Variants in STPG4 observed in about 807,000 individuals in gnomAD.
STPG4 encodes the protein sperm-tail PG-rich repeat containing 4.
A neutral mutation model predicts 31.5 loss-of-function variants in STPG4; 41 were observed. That is an observed-to-expected ratio of 1.30 (90% CI 1.01 to 1.69). The LOEUF (loss-of-function observed/expected upper bound fraction) is 1.69. Among genes scored for constraint, STPG4 ranks in the 40% most tolerant of loss-of-function variants. The probability of loss-of-function intolerance (pLI) is 0.00; values close to 1 mark genes in which losing one functional copy is unlikely to be tolerated. For missense variants in STPG4, 375 were observed against 293.4 expected, an observed-to-expected ratio of 1.28 and a Z score of -2.03; for synonymous variants, 141 against 103.0, an observed-to-expected ratio of 1.37 and a Z score of -2.24.
chr2:47,151,647 G>T, intron 2 of STPG4, 132 bp from the exon 3 acceptor site: 1 of 712,298 alleles, frequency 1.4e-6, no homozygotes, highest in Non-Finnish European at 2.4e-6. Context: ...ATCAAATACA[G>T]TAAACACTCT....
intron 3 of STPG4, among the ~76,000 whole-genome samples, chr2:47,131,999 T>C (rs1686494675): frequency 6.6e-6 from 1 of 151,888 alleles, no homozygotes; most frequent in Non-Finnish European, 1.5e-5. Flanking sequence ...ACCCTGTCTC[T>C]ACTAAACATA....
chr2:47,112,470 T>C (rs1313713307), intron 5 of STPG4, among the ~76,000 whole-genome samples: 2 of 152,136 alleles, frequency 1.3e-5, no homozygotes, highest in African/African-American at 2.4e-5. Flanking sequence ...GTGCCTGGCC[T>C]AACCTTTGAG....
At chr2:47,127,505 G>A (rs964540734) in intron 5 of STPG4, among the ~76,000 whole-genome samples, 2 of 152,048 alleles carry the variant, frequency 1.3e-5, no homozygotes, top group African/African-American at 2.4e-5. Context: ...TTGGCCTCAA[G>A]CCGTCTGCCT....
At chr2:47,151,592 C>T in intron 2 of STPG4, 77 bp from the exon 3 acceptor site, 2 of 1,219,770 alleles carry the variant, frequency 1.6e-6, no homozygotes, top group Admixed American at 2.0e-5. Flanking sequence ...GGATGGGAAG[C>T]TCCCAAGTAA....
intron 5 of STPG4, among the ~76,000 whole-genome samples, chr2:47,110,309 T>C (rs1410036627): frequency 1.3e-5 from 2 of 152,204 alleles, no homozygotes; most frequent in Non-Finnish European, 2.9e-5. Flanking sequence ...AAATTATATT[T>C]TGGGCTGGGC....
chr2:47,107,672 G>A (rs887127523), intron 5 of STPG4, among the ~76,000 whole-genome samples: 13 of 152,170 alleles, frequency 8.5e-5, no homozygotes, highest in Admixed American at 5.9e-4. Flanking sequence ...CGGGCACATG[G>A]TGCGGGACTG....
intron 5 of STPG4, among the ~76,000 whole-genome samples, chr2:47,125,390 C>T (rs1291607142): frequency 6.6e-6 from 1 of 152,160 alleles, no homozygotes; most frequent in African/African-American, 2.4e-5. Flanking sequence ...CACTGCACTT[C>T]AGCCTGGGTG....
At chr2:47,110,176 C>A (rs78543358) in intron 5 of STPG4, among the ~76,000 whole-genome samples, 1 of 152,186 alleles carries the variant, frequency 6.6e-6, no homozygotes, top group African/African-American at 2.4e-5. Context: ...AAACATCATA[C>A]GAATGACTGA....
chr2:47,138,248 A>T (rs892162355), intron 3 of STPG4, among the ~76,000 whole-genome samples: 2 of 152,196 alleles, frequency 1.3e-5, no homozygotes, highest in Non-Finnish European at 2.9e-5. Flanking sequence ...TCCATGTGTT[A>T]TTTAGAAGTG....
intron 5 of STPG4, among the ~76,000 whole-genome samples, chr2:47,113,930 A>C (rs1341597321): frequency 6.6e-6 from 1 of 151,654 alleles, no homozygotes; most frequent in Non-Finnish European, 1.5e-5. Context: ...GCTACTAGGG[A>C]GGCTGAGGCA....
intron 1 of STPG4, among the ~76,000 whole-genome samples, chr2:47,154,470 C>G (rs1686990813): frequency 6.6e-6 from 1 of 152,164 alleles, no homozygotes; most frequent in African/African-American, 2.4e-5. Context: ...TTTGTTTTGC[C>G]CAAGACAGGT....
intron 2 of STPG4, among the ~76,000 whole-genome samples, chr2:47,152,609 T>A (rs969183305): frequency 3.9e-5 from 6 of 152,236 alleles, no homozygotes; most frequent in Non-Finnish European, 5.9e-5. Context: ...GTCTTTACCA[T>A]ATAAGATAAA....
chr2:47,113,310 C>T (rs140020290), intron 5 of STPG4, among the ~76,000 whole-genome samples: 81 of 152,248 alleles, frequency 5.3e-4, no homozygotes, highest in African/African-American at 1.9e-3. Context: ...CCCTGAAAAA[C>T]TTCAACAAAT....
intron 5 of STPG4, among the ~76,000 whole-genome samples, chr2:47,091,345 GGA>G (rs1685566112): frequency 6.6e-6 from 1 of 152,176 alleles, no homozygotes; most frequent in African/African-American, 2.4e-5. Flanking sequence ...AAAGAAGAAA[GGA>G]GAGTGGTTAT....
rs139163992 is a variant in STPG4 at position 47,151,130 on chromosome 2, C to T, written c.399+128G>A. The stretch of plus-strand genomic sequence containing the variant: ...TCAGGCAGTCCTTGTTTGATTTCTA[C>T]GGGAAATAAGACATCTTAAAGGTTT... On this transcript the variant is annotated intron_variant, in intron 3 of 6. Coordinates refer to ENST00000445927, the MANE Select transcript of STPG4 (RefSeq NM_001163561.2). 1,222 of 1,196,502 alleles carry T rather than the reference C, an allele frequency of 1.0e-3. 24 individuals are homozygous for T. In the East Asian group the frequency reaches 0.029, roughly 29 times the overall value. 74.1% of individuals were successfully genotyped at this position (1,196,502 alleles called of 1,614,324 possible). A position where few individuals can be genotyped will look rare whatever the true frequency, so the allele number is the denominator to read the frequency against.
At chr2:47,117,930 A>ATATATATTTT (rs1491090707) in intron 5 of STPG4, among the ~76,000 whole-genome samples, 11 of 117,566 alleles carry the variant, frequency 9.4e-5, no homozygotes, top group African/African-American at 4.2e-4. Flanking sequence ...ATATATATAT[A>ATATATATTTT]TTTTTTTTTT....
chr2:47,150,353 A>T (rs778987864), intron 3 of STPG4, among the ~76,000 whole-genome samples: 9 of 152,070 alleles, frequency 5.9e-5, no homozygotes, highest in Non-Finnish European at 1.0e-4. Flanking sequence ...TTGTTGCTTA[A>T]ATACCTCTGG....
intron 5 of STPG4, among the ~76,000 whole-genome samples, chr2:47,125,111 A>G (rs1459334844): frequency 9.2e-5 from 14 of 152,112 alleles, no homozygotes; most frequent in Admixed American, 9.2e-4. Flanking sequence ...TATTTTTTAA[A>G]CAAATTATTA....
chr2:47,102,628 T>C lies in STPG4; in HGVS notation c.520-12254A>G, dbSNP rs770797083. 6.5e-4 allele frequency among the ~76,000 whole-genome samples: 98 copies of C among 151,930 alleles called. 1 individual carries two copies. Among genetic ancestry groups the C allele is most frequent in the Middle Eastern group, 3.4e-3 (1 of 294 alleles). ...AGGAGGACCCCTCAGCTTACCCCCA[T>C]ATCCTAGCCTCCCTATAGCTCCCCT... is the stretch of plus-strand genomic sequence containing the variant. On this transcript the variant is annotated intron_variant, in intron 5 of 6. Transcript: ENST00000445927.
Sources: allele counts gnomAD v4.1 joint callset (sites outside exome capture counted in the v4.1 genomes callset), GRCh38; gene constraint gnomAD v4.1.1; transcripts MANE v1.5; gene names NCBI Gene and HGNC (gene_info 2026-07-23, HGNC 2026-07-21).